ADGRL3: variants seen among roughly 807,000 people sequenced by gnomAD.
ADGRL3 encodes adhesion G protein-coupled receptor L3.
Under a neutral mutation model 153.5 loss-of-function variants are expected in ADGRL3, and 62 were observed. The observed-to-expected ratio is 0.40, with a 90% CI of 0.33 to 0.50. The LOEUF (loss-of-function observed/expected upper bound fraction) is 0.50. Among genes scored for constraint, ADGRL3 ranks in the 20% least tolerant of loss-of-function variants. The probability of loss-of-function intolerance (pLI) is 0.47; values close to 1 mark genes in which losing one functional copy is unlikely to be tolerated. For missense variants in ADGRL3, 1,641 were observed against 1,859.4 expected (o/e 0.88, Z 2.16); for synonymous variants, 710 against 672.5 (o/e 1.06, Z -0.86).
chr4:61,772,078 A>G (rs748500309), intron 8 of ADGRL3, among the ~76,000 whole-genome samples: 46 of 152,234 alleles, frequency 3.0e-4, no homozygotes, highest in Non-Finnish European at 5.7e-4. Context: ...CTCAAGATAT[A>G]AAGTGAGACA....
chr4:61,752,282 G>T (rs2096766775), intron 8 of ADGRL3, among the ~76,000 whole-genome samples: 1 of 152,120 alleles, frequency 6.6e-6, no homozygotes, highest in African/African-American at 2.4e-5. Context: ...GACCCCCAAA[G>T]TGATTAAACT....
chr4:61,378,922 C>T (rs780458903), intron 1 of ADGRL3, among the ~76,000 whole-genome samples: 7 of 151,914 alleles, frequency 4.6e-5, no homozygotes, highest in Non-Finnish European at 1.0e-4. Context: ...GAACGAAGTA[C>T]AAATTGTCTT....
At chr4:61,212,021 T>A (rs1448368757) in intron 1 of ADGRL3, 1 of 152,206 alleles carries the variant, frequency 6.6e-6, no homozygotes, top group Non-Finnish European at 1.5e-5. Context: ...TACATTCAGA[T>A]GAACAAAATC....
At chr4:61,759,092 T>G (rs1254326440) in intron 8 of ADGRL3, among the ~76,000 whole-genome samples, 2 of 152,176 alleles carry the variant, frequency 1.3e-5, no homozygotes, top group African/African-American at 4.8e-5. Context: ...ACCCTGCCTT[T>G]CTTTCTGGCT....
At chr4:61,221,372 G>A (rs1745414827) in intron 1 of ADGRL3, among the ~76,000 whole-genome samples, 1 of 152,146 alleles carries the variant, frequency 6.6e-6, no homozygotes, top group South Asian at 2.1e-4. Context: ...GTGAGAACTT[G>A]CCCTTCAAAG....
chr4:61,529,400 G>A (rs1451778799), intron 4 of ADGRL3, among the ~76,000 whole-genome samples: 1 of 152,134 alleles, frequency 6.6e-6, no homozygotes, highest in East Asian at 1.9e-4. Flanking sequence ...CTAACCATAT[G>A]TTCTAGTTTG....
chr4:61,504,369 C>A (rs1309174513), intron 3 of ADGRL3, among the ~76,000 whole-genome samples: 1 of 152,044 alleles, frequency 6.6e-6, no homozygotes, highest in African/African-American at 2.4e-5. Flanking sequence ...AATTTTTAAT[C>A]ATTATGGATA....
intron 1 of ADGRL3, among the ~76,000 whole-genome samples, chr4:61,305,174 CT>C (rs34888023): frequency 0.22 from 31,725 of 145,982 alleles, 3,513 homozygotes; most frequent in South Asian, 0.39. Flanking sequence ...TTGCAAGTGA[CT>C]TTTTTTTTTT....
intron 1 of ADGRL3, among the ~76,000 whole-genome samples, chr4:61,322,118 T>A (rs2150774234): frequency 6.6e-6 from 1 of 152,240 alleles, no homozygotes; most frequent in African/African-American, 2.4e-5. Context: ...ACATCTTACA[T>A]GGATAACAGC....
intron 4 of ADGRL3, among the ~76,000 whole-genome samples, chr4:61,545,942 A>G (rs1182456291): frequency 6.6e-6 from 1 of 152,186 alleles, no homozygotes; most frequent in African/African-American, 2.4e-5. Flanking sequence ...TATGACTGCA[A>G]TATGTGGGTC....
At chr4:61,456,251 C>T (rs1192795557) in intron 2 of ADGRL3, among the ~76,000 whole-genome samples, 1 of 150,292 alleles carries the variant, frequency 6.7e-6, no homozygotes, top group Non-Finnish European at 1.5e-5. Context: ...AAATAATTTT[C>T]ATAAGTAATA....
chr4:61,898,162 TG>T (rs1419147570), intron 11 of ADGRL3, among the ~76,000 whole-genome samples: 2 of 152,058 alleles, frequency 1.3e-5, no homozygotes, highest in African/African-American at 4.8e-5. Flanking sequence ...GTGACTATCA[TG>T]TAAGTCCACC....
At chr4:61,524,651 C>A (rs1042219947) in intron 4 of ADGRL3, among the ~76,000 whole-genome samples, 6 of 152,018 alleles carry the variant, frequency 3.9e-5, no homozygotes, top group African/African-American at 1.4e-4. Flanking sequence ...GTTATCACAT[C>A]TCTAAAGTGT....
At chr4:61,369,113 C>T (rs1232371226) in intron 1 of ADGRL3, among the ~76,000 whole-genome samples, 1 of 152,134 alleles carries the variant, frequency 6.6e-6, no homozygotes, top group Non-Finnish European at 1.5e-5. Context: ...TGCTTATCAG[C>T]TTAAGGAGAT....
At chr4:62,024,303 T>A (rs553193111) in intron 21 of ADGRL3, among the ~76,000 whole-genome samples, 1 of 152,248 alleles carries the variant, frequency 6.6e-6, no homozygotes, top group Admixed American at 6.5e-5. Flanking sequence ...GCAATATTGA[T>A]ATGGATCATT....
intron 8 of ADGRL3, among the ~76,000 whole-genome samples, chr4:61,796,370 C>T (rs2097411876): frequency 6.6e-6 from 1 of 152,038 alleles, no homozygotes; most frequent in Non-Finnish European, 1.5e-5. Context: ...TTCTTTCTGT[C>T]ATCAGTGTCT....
chr4:61,738,380 A>T (rs1342988675), intron 8 of ADGRL3, among the ~76,000 whole-genome samples: 1 of 152,198 alleles, frequency 6.6e-6, no homozygotes. Flanking sequence ...TGCTGTAAAC[A>T]TACGTGTGCA....
intron 5 of ADGRL3, among the ~76,000 whole-genome samples, chr4:61,600,938 A>G (rs766907703): frequency 1.3e-5 from 2 of 152,180 alleles, no homozygotes; most frequent in Non-Finnish European, 1.5e-5. Flanking sequence ...TTTCTGGGAA[A>G]ATCCTTACAA....
chr4:61,626,795 A>G (rs926151989), intron 5 of ADGRL3, among the ~76,000 whole-genome samples: 20 of 152,104 alleles, frequency 1.3e-4, no homozygotes, highest in Admixed American at 1.0e-3. Flanking sequence ...AGGAAATAAT[A>G]TTATCAAATT....
Sources: gnomAD v4.1 joint callset for allele counts (sites outside exome capture counted in the v4.1 genomes callset) on GRCh38, gnomAD v4.1.1 for gene constraint, MANE v1.5 for transcripts, NCBI Gene and HGNC (gene_info 2026-07-23, HGNC 2026-07-21) for gene names.